Variants in PDPK1 observed in about 807,000 individuals in gnomAD.
PDPK1 encodes the protein 3-phosphoinositide dependent protein kinase 1, also known as 3-phosphoinositide-dependent protein kinase 1.
Under a neutral mutation model 39.8 loss-of-function variants are expected in PDPK1, and 7 were observed. That is an observed-to-expected ratio of 0.18 (90% confidence interval 0.10 to 0.33). The LOEUF (loss-of-function observed/expected upper bound fraction) is 0.33. Ranked by LOEUF, PDPK1 falls within the 10% of genes least tolerant of loss-of-function variation. The probability of loss-of-function intolerance (pLI) is 1.00; values close to 1 mark genes in which losing one functional copy is unlikely to be tolerated. For missense variants in PDPK1, 182 were observed against 384.7 expected, an observed-to-expected ratio of 0.47 and a Z score of 4.41; for synonymous variants, 118 against 159.1, an observed-to-expected ratio of 0.74 and a Z score of 1.95.
chr16:2,587,332 G>A (rs879371215), intron 11 of PDPK1, among the ~76,000 whole-genome samples: 2 of 152,212 alleles, frequency 1.3e-5, no homozygotes, highest in African/African-American at 4.8e-5. Context: ...TGTCGCGGGG[G>A]CGCCAGGAAT....
intron 6 of PDPK1, 143 bp from the exon 7 acceptor site, chr16:2,577,282 C>G (rs567476773): frequency 1.4e-6 from 1 of 715,640 alleles, no homozygotes; most frequent in African/African-American, 1.9e-5. Flanking sequence ...GTCTTTGAGC[C>G]GGTGAGCCAT....
chr16:2,578,564 T>G (rs2066761183), intron 7 of PDPK1: 1 of 25,308 alleles, frequency 4.0e-5, no homozygotes, highest in Non-Finnish European at 9.1e-5. Flanking sequence ...GGGGCTGGGG[T>G]TCCTCCTGCC....
chr16:2,595,731 A>AGCGT, intron 11 of PDPK1, 62 bp from the exon 12 acceptor site: 1 of 1,293,804 alleles, frequency 7.7e-7, no homozygotes, highest in Non-Finnish European at 1.1e-6. Flanking sequence ...TGGCAGGAGG[A>AGCGT]GCGTGGAGAA....
In PDPK1 at chr16:2,591,733, T is replaced by G. The variant is rs144004206; in HGVS notation, c.1344-4060T>G. Among the ~76,000 whole-genome samples the G allele has an allele frequency of 2.4e-3, 366 of 152,290 alleles. 3 individuals carry two copies. Among genetic ancestry groups the G allele is most frequent in the African/African-American group, 8.2e-3 (341 of 41,562 alleles). ...TTATCAGCCGAACAGGAGAGGCCTG[T>G]GCAGCGCACAGAGTGGCACACTCTC... On this transcript the variant is annotated intron_variant, in intron 11 of 13. Transcript: ENST00000342085.
At chr16:2,573,619 G>A (rs2066672748) in intron 6 of PDPK1, among the ~76,000 whole-genome samples, 1 of 61,622 alleles carries the variant, frequency 1.6e-5, no homozygotes, top group Non-Finnish European at 2.8e-5. Flanking sequence ...GTCAGGAGTC[G>A]GAGACCAGTT....
At position 2,597,682 on chromosome 16, in the gene PDPK1, G is replaced by T; in HGVS notation, c.1586G>T (p.Ser529Ile). The T allele has an allele frequency of 6.2e-7, 1 of 1,613,960 alleles. No homozygotes were observed. Among genetic ancestry groups the T allele is most frequent in the African/African-American group, 1.3e-5 (1 of 75,062 alleles). ...PNRTYYLMDP[S>I]GNAHKWCRKI... ...AGGACGTATTATCTGATGGACCCCA[G>T]CGGGAACGCACACAAGTGGTGCAGG... The change falls in exon 14 of 14, where the codon AGC becomes ATC. Residue 529 changes from serine to isoleucine, a missense_variant. Ser to Ile is a moderately radical substitution (Grantham distance 142, BLOSUM62 -2). Coordinates refer to ENST00000342085, the MANE Select transcript of PDPK1 (RefSeq NM_002613.5). This position sits in a 1 kb window ranked among gnomAD's most constrained non-coding sequence, Gnocchi z 6.3.
At position 2,598,784 on chromosome 16, in the gene PDPK1, A is replaced by C. The variant is rs1424592748; in HGVS notation, c.*1017A>C. 8.6e-6 allele frequency: 2 copies of C among 233,174 alleles called. No individual in the cohort carries two copies. The allele number at this position is 233,174 out of a possible 1,614,324, so 14.4% of individuals were successfully genotyped here. ...AGAGAACCCTGGCATCAGCAGACCC[A>C]GGGTGCTTCTGTCTCCTGCAGACCA... On this transcript the variant is annotated 3_prime_UTR_variant, in exon 14 of 14. Coordinates refer to ENST00000342085, the MANE Select transcript of PDPK1 (RefSeq NM_002613.5).
intron 1 of PDPK1, among the ~76,000 whole-genome samples, chr16:2,546,403 G>C (rs771160702): frequency 2.2e-4 from 34 of 151,838 alleles, no homozygotes; most frequent in Non-Finnish European, 4.0e-4. Flanking sequence ...GCGCGATCTC[G>C]GCTCACTGCA....
In PDPK1 at chr16:2,598,266, G is replaced by A; in HGVS notation, c.*499G>A. On this transcript the variant is annotated 3_prime_UTR_variant, in exon 14 of 14. Transcript: ENST00000342085. ...AGCCCTGCGGGGGCCGCAGCTTTGT[G>A]GAGGGAGCCGCCGTGCTTCTGTCAC... 1.7e-5 allele frequency: 4 copies of A among 234,350 alleles called. No individual in the cohort carries two copies. In the East Asian group the frequency reaches 2.4e-4, roughly 14 times the overall value. 14.5% of individuals were successfully genotyped at this position (234,350 alleles called of 1,614,324 possible).
In PDPK1 at chr16:2,598,289, C is replaced by T; in HGVS notation, c.*522C>T. ...GTGGAGGGAGCCGCCGTGCTTCTGT[C>T]ACCTGCTCCCTTTCTTGCGTCTCCC... On this transcript the variant is annotated 3_prime_UTR_variant, in exon 14 of 14. Transcript: ENST00000342085. 1 of 231,192 alleles carries T rather than the reference C, an allele frequency of 4.3e-6. No individual in the cohort carries two copies. Among genetic ancestry groups the T allele is most frequent in the Admixed American group, 5.7e-5 (1 of 17,650 alleles). 14.3% of individuals were successfully genotyped at this position (231,192 alleles called of 1,614,324 possible).
At chr16:2,559,902 TGGG>T (rs2066572905) in intron 2 of PDPK1, among the ~76,000 whole-genome samples, 1 of 151,768 alleles carries the variant, frequency 6.6e-6, no homozygotes, top group South Asian at 2.1e-4. Flanking sequence ...GGCTCCTCCA[TGGG>T]GCTGTTTGGA....
chr16:2,592,551 T>C (rs1214720524), intron 11 of PDPK1: 1 of 342,770 alleles, frequency 2.9e-6, no homozygotes, highest in African/African-American at 2.2e-5. Context: ...GGTGGGTACC[T>C]GTAATCCCAG....
Position 2,597,988 on chromosome 16 carries a change from G to GT in PDPK1, c.*221_*222insT. ...ACACAAAGGAATTCAGGGTCGCTTTGCTTGCTCTCTGTGCTCCGTGGAGGC... is the reference window on the plus strand; with the variant it reads ...ACACAAAGGAATTCAGGGTCGCTTTGTCTTGCTCTCTGTGCTCCGTGGAGGC... On this transcript the variant is annotated 3_prime_UTR_variant, in exon 14 of 14. Coordinates refer to ENST00000342085, the MANE Select transcript of PDPK1 (RefSeq NM_002613.5). The surrounding 1 kb of genome is among the most constrained non-coding windows in gnomAD (Gnocchi z 6.3). 1 of 566,070 alleles carries GT rather than the reference G, an allele frequency of 1.8e-6. No homozygotes were observed. The highest frequency in any genetic ancestry group is 3.1e-6 in the Non-Finnish European group (1 of 317,518). The allele number at this position is 566,070 out of a possible 1,614,324, so 35.1% of individuals were successfully genotyped here.
At chr16:2,545,594 A>C (rs2066327787) in intron 1 of PDPK1, among the ~76,000 whole-genome samples, 1 of 152,024 alleles carries the variant, frequency 6.6e-6, no homozygotes, top group African/African-American at 2.4e-5. Flanking sequence ...TCCTGGGTTC[A>C]AGCAATTCTC....
At chr16:2,545,724 A>G (rs895872637) in intron 1 of PDPK1, among the ~76,000 whole-genome samples, 4 of 152,114 alleles carry the variant, frequency 2.6e-5, no homozygotes, top group Admixed American at 2.6e-4. Flanking sequence ...CGAACTCCTA[A>G]TGTCATGATT....
chr16:2,587,894 C>A (rs1346936221), intron 11 of PDPK1, among the ~76,000 whole-genome samples: 1 of 152,198 alleles, frequency 6.6e-6, no homozygotes, highest in Non-Finnish European at 1.5e-5. Context: ...TTTATGTTTT[C>A]CATTTTAATC....
At chr16:2,589,359 CATT>C (rs1286839157) in intron 11 of PDPK1, among the ~76,000 whole-genome samples, 1 of 152,162 alleles carries the variant, frequency 6.6e-6, no homozygotes, top group Admixed American at 6.6e-5. Flanking sequence ...TCCACTGAAT[CATT>C]ATTTTGAAAT....
In PDPK1 at chr16:2,598,219, T is replaced by C; in HGVS notation, c.*452T>C. The C allele has an allele frequency of 4.3e-6, 1 of 235,260 alleles. No individual in the cohort carries two copies. The highest frequency in any genetic ancestry group is 5.6e-5 in the Admixed American group (1 of 17,850). 14.6% of individuals were successfully genotyped at this position (235,260 alleles called of 1,614,324 possible). A position where few individuals can be genotyped will look rare whatever the true frequency, so the allele number is the denominator to read the frequency against. Reference sequence around the variant, plus strand: ...CTTTATGCCCCTCCCGCTGTGGTCCTGGAACTCTTCACCAGGGAGGGAGCC... The same window carrying C: ...CTTTATGCCCCTCCCGCTGTGGTCCCGGAACTCTTCACCAGGGAGGGAGCC... On this transcript the variant is annotated 3_prime_UTR_variant, in exon 14 of 14. Transcript: ENST00000342085.
At chr16:2,541,246 C>T (rs1483624155) in intron 1 of PDPK1, among the ~76,000 whole-genome samples, 1 of 152,192 alleles carries the variant, frequency 6.6e-6, no homozygotes, top group African/African-American at 2.4e-5. Context: ...GCCTTCAGCA[C>T]AGTTTTGGGG....
Sources: allele counts gnomAD v4.1 joint callset (sites outside exome capture counted in the v4.1 genomes callset), GRCh38; gene constraint gnomAD v4.1.1; non-coding constraint Gnocchi (gnomAD v3.1); transcripts MANE v1.5; gene names NCBI Gene and HGNC (gene_info 2026-07-23, HGNC 2026-07-21).